The following ATXN7L2 variants were observed in gnomAD, a reference collection of about 807,000 sequenced individuals.
ATXN7L2 encodes ataxin 7 like 2.
Under a neutral mutation model 59.6 loss-of-function variants are expected in ATXN7L2, and 17 were observed. The observed-to-expected ratio is 0.29, with a 90% CI of 0.20 to 0.43. The LOEUF (loss-of-function observed/expected upper bound fraction) is 0.43, where lower values mean the gene tolerates loss of function less well. Ranked by LOEUF, ATXN7L2 falls within the 20% of genes least tolerant of loss-of-function variation. The pLI, the probability that ATXN7L2 is intolerant of heterozygous loss-of-function variation, is 1.00. For missense variants in ATXN7L2, 858 were observed against 1,008.9 expected, an observed-to-expected ratio of 0.85 and a Z score of 2.03; for synonymous variants, 378 against 392.5, an observed-to-expected ratio of 0.96 and a Z score of 0.44.
rs1656600926 is a variant in ATXN7L2, at chr1:109,486,630, G to A, written c.298+20G>A. On this transcript the variant is annotated intron_variant, in intron 3 of 10. Transcript: ENST00000683729. The surrounding 1 kb of genome is among the most constrained non-coding windows in gnomAD (Gnocchi z 4.3). ...ACTGCGGTGAGGGGAGCCCTAGGGAGGAGATAAAGGGACAGGGGAAGGTGG... is the reference window on the plus strand; with the variant it reads ...ACTGCGGTGAGGGGAGCCCTAGGGAAGAGATAAAGGGACAGGGGAAGGTGG... 3.8e-6 allele frequency: 6 copies of A among 1,589,390 alleles called. No individual in the cohort carries two copies. The Admixed American group carries it at 1.0e-4, about 27-fold the overall frequency.
Position 109,492,623 on chromosome 1 carries a change from A to C in ATXN7L2, c.*23A>C, listed in dbSNP as rs762782438. 1 of 1,612,858 alleles carries C rather than the reference A, an allele frequency of 6.2e-7. No homozygotes were observed. Among genetic ancestry groups the C allele is most frequent in the Non-Finnish European group, 8.5e-7 (1 of 1,179,800 alleles). ...TAACGAGAAAGTGCCTGCCCACTGC[A>C]ACGGAGCCGCCAGCACCTCCTCCCC... On this transcript the variant is annotated 3_prime_UTR_variant, in exon 11 of 11. Transcript: ENST00000683729.
intron 5 of ATXN7L2, 136 bp downstream of exon 5, chr1:109,487,940 C>T: frequency 9.5e-7 from 1 of 1,050,064 alleles, no homozygotes. Context: ...GGAGCCCCGT[C>T]ACCTCTTGAC....
At chr1:109,485,448 C>T (rs1402566219) in intron 1 of ATXN7L2, 2 of 985,322 alleles carry the variant, frequency 2.0e-6, no homozygotes, top group African/African-American at 1.7e-5. Context: ...AGTTTCTCTG[C>T]TCTGTGACCA....
chr1:109,490,905 C>A lies in ATXN7L2; in HGVS notation c.1455-17C>A. The A allele has an allele frequency of 6.5e-7, 1 of 1,537,990 alleles. No individual in the cohort carries two copies. The highest frequency in any genetic ancestry group is 8.8e-7 in the Non-Finnish European group (1 of 1,142,476). ...TTGTTTCTTGGCAGTCACAGTGGGG[C>A]TTTCTTTTTGCTGCAGGAAGATCCC... is the stretch of plus-strand genomic sequence containing the variant. On this transcript the variant is annotated splice_polypyrimidine_tract_variant and intron_variant, in intron 9 of 10. Transcript: ENST00000683729.
chr1:109,488,505 A>C lies in ATXN7L2; in HGVS notation c.879+40A>C. ...ACTGCACGGTGAGGGAGGACAGCAC[A>C]GGGCTTGCCCACTCCTTCCCTGGGC... On this transcript the variant is annotated intron_variant, in intron 6 of 10. Transcript: ENST00000683729. This position sits in a 1 kb window ranked among gnomAD's most constrained non-coding sequence, Gnocchi z 5.0. 2 of 1,559,110 alleles carry C rather than the reference A, an allele frequency of 1.3e-6. No individual in the cohort carries two copies. Among genetic ancestry groups the C allele is most frequent in the Non-Finnish European group, 1.8e-6 (2 of 1,136,648 alleles).
At chr1:109,484,473 C>A (rs563137193) in intron 1 of ATXN7L2, among the ~76,000 whole-genome samples, 1 of 150,980 alleles carries the variant, frequency 6.6e-6, no homozygotes, top group East Asian at 2.0e-4. Flanking sequence ...TTCCTCACCC[C>A]CCTTGTTCCT....
chr1:109,488,254 C>T lies in ATXN7L2; in HGVS notation c.797-129C>T. On this transcript the variant is annotated intron_variant, in intron 5 of 10. Transcript: ENST00000683729. This position sits in a 1 kb window ranked among gnomAD's most constrained non-coding sequence, Gnocchi z 5.0. ...CCAGAAGTTTATCTGGAAGGTACAG[C>T]CCCAGGCTGAGGGCTGGAGTCTCTT... 1 of 873,760 alleles carries T rather than the reference C, an allele frequency of 1.1e-6. No individual in the cohort carries two copies. The highest frequency in any genetic ancestry group is 1.9e-6 in the Non-Finnish European group (1 of 535,690). The allele number at this position is 873,760 out of a possible 1,614,324, so 54.1% of individuals were successfully genotyped here. A position where few individuals can be genotyped will look rare whatever the true frequency, so the allele number is the denominator to read the frequency against.
chr1:109,490,279 C>T lies in ATXN7L2; in HGVS notation c.1341C>T (p.Thr447=), dbSNP rs1322243802. 4 of 1,613,684 alleles carry T rather than the reference C, an allele frequency of 2.5e-6. No homozygotes were observed. Among genetic ancestry groups the T allele is most frequent in the South Asian group, 1.1e-5 (1 of 91,078 alleles). ...TRPPRPQAFC[T]FGSRLVSPGC... Reference sequence around the variant, plus strand: ...CTTCCTTCTGCCTTTAGTTCTGCACCTTTGGGAGCCGGCTGGTGAGCCCAG... The same window carrying T: ...CTTCCTTCTGCCTTTAGTTCTGCACTTTTGGGAGCCGGCTGGTGAGCCCAG... The change falls in exon 9 of 11, where the codon ACC becomes ACT. Residue 447 remains threonine (T), a synonymous_variant. Transcript: ENST00000683729.
chr1:109,491,909 C>G lies in ATXN7L2; in HGVS notation c.2250+192C>G. ...TGACTCCAGCTTTTTGCCTGGTGAA[C>G]CTTCCCCTATCCCTAACCCTTTCCC... On this transcript the variant is annotated intron_variant, in intron 10 of 10. Transcript: ENST00000683729. The surrounding 1 kb of genome is among the most constrained non-coding windows in gnomAD (Gnocchi z 4.1). 1 of 1,209,044 alleles carries G rather than the reference C, an allele frequency of 8.3e-7. No individual in the cohort carries two copies. The highest frequency in any genetic ancestry group is 1.5e-5 in the African/African-American group (1 of 65,432). 74.9% of individuals were successfully genotyped at this position (1,209,044 alleles called of 1,614,324 possible).
At position 109,491,299 on chromosome 1, in the gene ATXN7L2, C is replaced by G; in HGVS notation, c.1832C>G (p.Thr611Ser). 2 of 1,614,270 alleles carry G rather than the reference C, an allele frequency of 1.2e-6. No individual in the cohort carries two copies. The highest frequency in any genetic ancestry group is 1.7e-6 in the Non-Finnish European group (2 of 1,180,050). The change falls in exon 10 of 11, where the codon ACC (threonine) becomes AGC (serine). Residue 611 changes from threonine (T) to serine (S), a missense_variant. By Grantham distance (58) the Thr-to-Ser change is moderately conservative. Around this residue, in one of 3 missense-constraint regions of ATXN7L2, gnomAD observed 734 missense variants for 862.3 expected, o/e 0.85. Transcript: ENST00000683729. This position sits in a 1 kb window ranked among gnomAD's most constrained non-coding sequence, Gnocchi z 4.1. ...SRKRKLSPGP[T>S]TLKRTCILEP... The stretch of plus-strand genomic sequence containing the variant: ...AAGCGGAAGTTATCCCCTGGCCCTA[C>G]CACTCTTAAACGGACCTGCATCCTG...
In ATXN7L2 at chr1:109,491,537, G is replaced by A. The variant is rs749170536; in HGVS notation, c.2070G>A (p.Leu690=). 1 of 1,614,010 alleles carries A rather than the reference G, an allele frequency of 6.2e-7. No individual in the cohort carries two copies. The highest frequency in any genetic ancestry group is 1.7e-5 in the Admixed American group (1 of 60,036). ...RGAAGHPAKA[L]PTNCLSEEEV... ...CAGCTGGACACCCAGCCAAGGCCCT[G>A]CCAACCAACTGCCTCTCTGAGGAGG... The change falls in exon 10 of 11, where the codon CTG becomes CTA. Residue 690 remains leucine, a synonymous_variant. Transcript: ENST00000683729. This position sits in a 1 kb window ranked among gnomAD's most constrained non-coding sequence, Gnocchi z 4.1.
chr1:109,484,060 C>G lies in ATXN7L2; in HGVS notation c.107C>G (p.Ala36Gly), dbSNP rs1181594980. 6.6e-7 allele frequency: 1 copy of G among 1,517,148 alleles called. No individual in the cohort carries two copies. The allele number at this position is 1,517,148 out of a possible 1,614,324, so 94.0% of individuals were successfully genotyped here. A position where few individuals can be genotyped will look rare whatever the true frequency, so the allele number is the denominator to read the frequency against. ...AGCTGGAGCTCGTGGGTGGAGCGGG[C>G]CGACCTGCCCGCGGCTGACGGTGAG... ...GQSWSSWVER[A>G]DLPAADGAEL... Residue 36 changes from alanine (A) to glycine (G), a missense_variant, in exon 1 of 11, where the codon GCC (alanine) becomes GGC (glycine). Physicochemically the swap from Ala to Gly is moderately conservative, Grantham distance 60 (BLOSUM62 0). Around this residue, in one of 3 missense-constraint regions of ATXN7L2, gnomAD observed 95 missense variants for 82.6 expected, o/e 1.15. Coordinates refer to ENST00000683729, the MANE Select transcript of ATXN7L2 (RefSeq NM_001350175.2).
At chr1:109,484,229 C>A in intron 1 of ATXN7L2, 149 bp downstream of exon 1, 1 of 846,234 alleles carries the variant, frequency 1.2e-6, no homozygotes, top group Non-Finnish European at 1.6e-6. Flanking sequence ...TCCTAGTGCC[C>A]GCCCGCTCCG....
chr1:109,488,779 A>G lies in ATXN7L2; in HGVS notation c.880-68A>G. The G allele has an allele frequency of 6.5e-7, 1 of 1,542,964 alleles. No individual in the cohort carries two copies. Among genetic ancestry groups the G allele is most frequent in the Non-Finnish European group, 8.8e-7 (1 of 1,136,360 alleles). On this transcript the variant is annotated intron_variant, in intron 6 of 10. Coordinates refer to ENST00000683729, the MANE Select transcript of ATXN7L2 (RefSeq NM_001350175.2). The surrounding 1 kb of genome is among the most constrained non-coding windows in gnomAD (Gnocchi z 5.0). ...CCCCCCAACTTGCCCGGGCCAAAGC[A>G]CCCTGCCGTCCCTCACCCCTTCTCA...
chr1:109,491,337 A>G lies in ATXN7L2; in HGVS notation c.1870A>G (p.Lys624Glu). The change falls in exon 10 of 11, where the codon AAA (lysine) becomes GAA (glutamate). Residue 624 changes from lysine to glutamate, a missense_variant. By Grantham distance (56) the Lys-to-Glu change is moderately conservative. Coordinates refer to ENST00000683729, the MANE Select transcript of ATXN7L2 (RefSeq NM_001350175.2). This position sits in a 1 kb window ranked among gnomAD's most constrained non-coding sequence, Gnocchi z 4.1. ...KRTCILEPTG[K>E]GKPSGCRGLS... is the part of the protein sequence containing the mutation. ...GACCTGCATCCTGGAGCCCACTGGA[A>G]AAGGGAAACCCTCTGGCTGTAGGGG... 1 of 1,614,260 alleles carries G rather than the reference A, an allele frequency of 6.2e-7. No individual in the cohort carries two copies. The highest frequency in any genetic ancestry group is 2.2e-5 in the East Asian group (1 of 44,888).
chr1:109,491,791 A>T lies in ATXN7L2; in HGVS notation c.2250+74A>T. The T allele has an allele frequency of 7.0e-7, 1 of 1,435,906 alleles. No individual in the cohort carries two copies. The highest frequency in any genetic ancestry group is 9.2e-7 in the Non-Finnish European group (1 of 1,081,264). The allele number at this position is 1,435,906 out of a possible 1,614,324, so 88.9% of individuals were successfully genotyped here. A position where few individuals can be genotyped will look rare whatever the true frequency, so the allele number is the denominator to read the frequency against. ...GTACCTGATACAGAGAAGATGCTACATTGGTGTTTGTGCAGGGAAAGGGAG... is the reference window on the plus strand; with the variant it reads ...GTACCTGATACAGAGAAGATGCTACTTTGGTGTTTGTGCAGGGAAAGGGAG... On this transcript the variant is annotated intron_variant, in intron 10 of 10. Coordinates refer to ENST00000683729, the MANE Select transcript of ATXN7L2 (RefSeq NM_001350175.2). The surrounding 1 kb of genome is among the most constrained non-coding windows in gnomAD (Gnocchi z 4.1).
In ATXN7L2 at chr1:109,486,163, C is replaced by T. The variant is rs777194654; in HGVS notation, c.193+41C>T. The T allele has an allele frequency of 7.2e-6, 11 of 1,522,334 alleles. No individual in the cohort carries two copies. In the East Asian group the frequency reaches 2.3e-4, roughly 32 times the overall value. The allele number at this position is 1,522,334 out of a possible 1,614,324, so 94.3% of individuals were successfully genotyped here. ...CATTAGGGCTGGGACCCAGGGCAGA[C>T]AGGACCACGCTCCACTTTTCCACCA... is the stretch of plus-strand genomic sequence containing the variant. On this transcript the variant is annotated intron_variant, in intron 2 of 10. Coordinates refer to ENST00000683729, the MANE Select transcript of ATXN7L2 (RefSeq NM_001350175.2). The surrounding 1 kb of genome is among the most constrained non-coding windows in gnomAD (Gnocchi z 4.3).
chr1:109,485,905 G>A, intron 1 of ATXN7L2, 152 bp from the exon 2 acceptor site: 1 of 1,303,278 alleles, frequency 7.7e-7, no homozygotes, highest in Non-Finnish European at 9.8e-7. Context: ...CGGAGTGTGG[G>A]CTTCATACTG....
Position 109,492,568 on chromosome 1 carries a change from C to T in ATXN7L2, c.2251-18C>T. Reference sequence around the variant, plus strand: ...GCCCCCACCCTGACCCTTTCTCTCGCCTCTTGTCTTCCTGCAGTCAAAAGC... The same window carrying T: ...GCCCCCACCCTGACCCTTTCTCTCGTCTCTTGTCTTCCTGCAGTCAAAAGC... On this transcript the variant is annotated intron_variant, in intron 10 of 10. Coordinates refer to ENST00000683729, the MANE Select transcript of ATXN7L2 (RefSeq NM_001350175.2). 6.2e-7 allele frequency: 1 copy of T among 1,613,918 alleles called. No individual in the cohort carries two copies. Among genetic ancestry groups the T allele is most frequent in the Non-Finnish European group, 8.5e-7 (1 of 1,179,970 alleles).
Sources: allele counts gnomAD v4.1 joint callset (sites outside exome capture counted in the v4.1 genomes callset), GRCh38; gene constraint gnomAD v4.1.1; regional missense constraint gnomAD v4.1.1; non-coding constraint Gnocchi (gnomAD v3.1); transcripts MANE v1.5; gene names NCBI Gene and HGNC (gene_info 2026-07-23, HGNC 2026-07-21).